The following AP3B1 variants were observed in gnomAD, a reference collection of about 807,000 sequenced individuals.
AP3B1 encodes the protein AP-3 complex subunit beta-1.
Under a neutral mutation model 132.5 loss-of-function variants are expected in AP3B1, and 61 were observed. The ratio of observed to expected loss-of-function variants is 0.46; its 90% CI spans 0.37 to 0.57. The LOEUF (loss-of-function observed/expected upper bound fraction) is 0.57, where lower values mean the gene tolerates loss of function less well. AP3B1 is among the 20% of genes least tolerant of loss of function. The pLI is 0.00. For missense variants in AP3B1, 1,120 were observed against 1,289.4 expected (o/e 0.87, Z 2.01); for synonymous variants, 388 against 438.3 (o/e 0.89, Z 1.43).
At chr5:78,157,466 C>T (rs190805703) in intron 13 of AP3B1, among the ~76,000 whole-genome samples, 4 of 152,268 alleles carry the variant, frequency 2.6e-5, no homozygotes, top group East Asian at 3.9e-4. Flanking sequence ...ACTGGGATTA[C>T]GGGATTTAGT....
chr5:78,001,911 C>T (rs993370651), downstream of AP3B1: 9 of 152,094 alleles, frequency 5.9e-5, no homozygotes, highest in African/African-American at 2.2e-4. Context: ...GCAAATAAAA[C>T]AAATACTCTA....
intron 24 of AP3B1, among the ~76,000 whole-genome samples, chr5:78,029,392 C>T (rs1017553740): frequency 1.3e-5 from 2 of 152,076 alleles, no homozygotes; most frequent in African/African-American, 2.4e-5. Context: ...TGCATACACA[C>T]ACACACACAC....
chr5:78,111,751 A>G (rs1049258104), intron 19 of AP3B1, among the ~76,000 whole-genome samples: 5 of 152,160 alleles, frequency 3.3e-5, no homozygotes, highest in Non-Finnish European at 7.4e-5. Flanking sequence ...ATGTGTGTGT[A>G]TTTTTTTAAG....
chr5:78,151,824 T>G, intron 14 of AP3B1, among the ~76,000 whole-genome samples: 2 of 145,568 alleles, frequency 1.4e-5, no homozygotes, highest in Admixed American at 6.8e-5. Flanking sequence ...CCTTCCTTCC[T>G]TCCTTCCCTC....
chr5:78,098,205 TG>T (rs1307019184), intron 21 of AP3B1, among the ~76,000 whole-genome samples: 1 of 151,846 alleles, frequency 6.6e-6, no homozygotes, highest in Non-Finnish European at 1.5e-5. Flanking sequence ...GTTTATCTGC[TG>T]ACCTTCCCTC....
chr5:78,266,603 A>G (rs1748332662), intron 2 of AP3B1, among the ~76,000 whole-genome samples: 1 of 152,162 alleles, frequency 6.6e-6, no homozygotes, highest in South Asian at 2.1e-4. Context: ...GCCTTATTAC[A>G]GTAGTTTATT....
At chr5:78,044,666 G>A (rs1188139652) in intron 22 of AP3B1, among the ~76,000 whole-genome samples, 1 of 152,162 alleles carries the variant, frequency 6.6e-6, no homozygotes, top group Non-Finnish European at 1.5e-5. Flanking sequence ...CAGTACTGTA[G>A]ATATCATACA....
At chr5:78,019,011 T>C (rs1036529398) in intron 25 of AP3B1, among the ~76,000 whole-genome samples, 8 of 152,128 alleles carry the variant, frequency 5.3e-5, no homozygotes, top group African/African-American at 1.7e-4. Context: ...ACAGAAAGAA[T>C]GATACAGAAA....
At chr5:78,092,872 A>G (rs1750589666) in intron 21 of AP3B1, among the ~76,000 whole-genome samples, 1 of 152,030 alleles carries the variant, frequency 6.6e-6, no homozygotes, top group African/African-American at 2.4e-5. Context: ...CTGGTCTCGA[A>G]CTCCCAACTT....
intron 7 of AP3B1, among the ~76,000 whole-genome samples, chr5:78,189,464 ATAAT>A (rs1017142322): frequency 1.3e-5 from 2 of 152,192 alleles, no homozygotes; most frequent in Non-Finnish European, 2.9e-5. Flanking sequence ...TTTAATGACT[ATAAT>A]TAAAGGTCGA....
chr5:78,008,895 A>C (rs948833019), intron 26 of AP3B1, among the ~76,000 whole-genome samples: 2 of 152,212 alleles, frequency 1.3e-5, no homozygotes, highest in Non-Finnish European at 1.5e-5. Context: ...AAACAAAAAC[A>C]GTAACTCAAA....
At chr5:78,132,187 T>C (rs755776503) in intron 15 of AP3B1, among the ~76,000 whole-genome samples, 1 of 152,212 alleles carries the variant, frequency 6.6e-6, no homozygotes, top group Non-Finnish European at 1.5e-5. Context: ...ATAAGCAGTT[T>C]GTTCGCATGC....
In AP3B1 at chr5:78,175,790, T is replaced by C. The variant is rs1357406632; in HGVS notation, c.1089A>G (p.Gln363=). Residue 363 remains glutamine, a synonymous_variant, in exon 10 of 27, where the codon CAA becomes CAG. Coordinates refer to ENST00000255194, the MANE Select transcript of AP3B1 (RefSeq NM_003664.5). ...GTGTTCAGAACATACATACCTTTCT[T>C]TGAATTGACATAGTTGCTATATTTT... The part of the protein sequence containing the change: ...VLQNIATMSI[Q]RKGMFEPYLK... 2.5e-6 allele frequency: 4 copies of C among 1,612,518 alleles called. No individual in the cohort carries two copies. The highest frequency in any genetic ancestry group is 1.7e-5 in the Admixed American group (1 of 60,020).
intron 6 of AP3B1, chr5:78,222,152 G>GCTGCTTGCTT (rs1278129103): frequency 6.6e-6 from 1 of 152,224 alleles, no homozygotes; most frequent in Non-Finnish European, 1.5e-5. Flanking sequence ...AGAGATTTAG[G>GCTGCTTGCTT]CTGCTTGCTT....
Position 78,128,167 on chromosome 5 carries a change from A to G in AP3B1, c.1838-7T>C. Reference sequence around the variant, plus strand: ...AGCTGGAAATGATCTCTATCTATTAAAAATAGGGAAAAATATAAAATAAAC... The same window carrying G: ...AGCTGGAAATGATCTCTATCTATTAGAAATAGGGAAAAATATAAAATAAAC... On this transcript the variant is annotated splice_polypyrimidine_tract_variant and splice_region_variant and intron_variant, in intron 16 of 26. Coordinates refer to ENST00000255194, the MANE Select transcript of AP3B1 (RefSeq NM_003664.5). 1 of 1,579,352 alleles carries G rather than the reference A, an allele frequency of 6.3e-7. No homozygotes were observed. The highest frequency in any genetic ancestry group is 1.1e-5 in the South Asian group (1 of 89,900).
chr5:78,122,182 T>G (rs1180847289), intron 17 of AP3B1, among the ~76,000 whole-genome samples: 2 of 152,198 alleles, frequency 1.3e-5, no homozygotes, highest in African/African-American at 2.4e-5. Flanking sequence ...AATTAGGTAT[T>G]GATGGGATGT....
intron 19 of AP3B1, among the ~76,000 whole-genome samples, chr5:78,110,658 T>G (rs1402265923): frequency 6.6e-6 from 1 of 151,722 alleles, no homozygotes; most frequent in Non-Finnish European, 1.5e-5. Flanking sequence ...GCTGATTTTT[T>G]AAAACGCTAT....
chr5:78,128,175 G>A lies in AP3B1; in HGVS notation c.1838-15C>T. The A allele has an allele frequency of 6.3e-7, 1 of 1,579,032 alleles. No homozygotes were observed. The highest frequency in any genetic ancestry group is 8.7e-7 in the Non-Finnish European group (1 of 1,151,644). On this transcript the variant is annotated splice_polypyrimidine_tract_variant and intron_variant, in intron 16 of 26. Coordinates refer to ENST00000255194, the MANE Select transcript of AP3B1 (RefSeq NM_003664.5). Reference sequence around the variant, plus strand: ...ATGATCTCTATCTATTAAAAATAGGGAAAAATATAAAATAAACAATATGAG... The same window carrying A: ...ATGATCTCTATCTATTAAAAATAGGAAAAAATATAAAATAAACAATATGAG...
At chr5:78,132,804 T>C (rs776697359) in intron 15 of AP3B1, among the ~76,000 whole-genome samples, 1 of 152,204 alleles carries the variant, frequency 6.6e-6, no homozygotes, top group Non-Finnish European at 1.5e-5. Context: ...CGACAAATAT[T>C]TTATGCATGT....
Sources: allele counts gnomAD v4.1 joint callset (sites outside exome capture counted in the v4.1 genomes callset), GRCh38; gene constraint gnomAD v4.1.1; transcripts MANE v1.5; gene names NCBI Gene and HGNC (gene_info 2026-07-23, HGNC 2026-07-21).